KANK1: variants seen among roughly 807,000 people sequenced by gnomAD.
The protein encoded by KANK1 is KN motif and ankyrin repeat domains 1.
A neutral mutation model predicts 106.2 loss-of-function variants in KANK1; 109 were observed. The observed-to-expected ratio is 1.03, with a 90% CI of 0.88 to 1.20. The LOEUF (loss-of-function observed/expected upper bound fraction) is 1.20, where lower values mean the gene tolerates loss of function less well. Among genes scored for constraint, KANK1 ranks in the 50% most tolerant of loss-of-function variants. The pLI, the probability that KANK1 is intolerant of heterozygous loss-of-function variation, is 0.00. For synonymous variants in KANK1, 873 were observed against 652.2 expected (o/e 1.34, Z -5.16); for missense variants, 2,399 against 1,710.7 (o/e 1.40, Z -7.10).
rs139741863 is a variant in KANK1, at chr9:568,195, C to G, written c.-84+63441C>G. 2.6e-3 allele frequency among the ~76,000 whole-genome samples: 392 copies of G among 152,252 alleles called. 3 individuals are homozygous for G. The highest frequency in any genetic ancestry group is 4.7e-3 in the Non-Finnish European group (321 of 68,014). ...CTTATCTATAATGCATGTTAAAAAT[C>G]AACTTCTCAAGATTTTTTACACCAA... On this transcript the variant is annotated intron_variant, in intron 1 of 11. Coordinates refer to ENST00000382297, the MANE Select transcript of KANK1 (RefSeq NM_015158.5).
At chr9:495,676 A>G (rs1020213611) in intron 3 of KANK1, 1 of 152,234 alleles carries the variant, frequency 6.6e-6, no homozygotes, top group Non-Finnish European at 1.5e-5. Flanking sequence ...CATGTGGCGC[A>G]GTCTCTTTTC....
intron 1 of KANK1, among the ~76,000 whole-genome samples, chr9:605,224 G>C (rs62531539): frequency 0.011 from 1,590 of 150,044 alleles, 22 homozygotes; most frequent in Admixed American, 0.019. Flanking sequence ...TCACTTGAAC[G>C]TGGGAGGCAG....
intron 1 of KANK1, among the ~76,000 whole-genome samples, chr9:596,678 G>A (rs1276029876): frequency 6.6e-6 from 1 of 151,712 alleles, no homozygotes; most frequent in Admixed American, 6.6e-5. Context: ...TACTTTACCA[G>A]TTCCCCATTG....
intron 1 of KANK1, among the ~76,000 whole-genome samples, chr9:668,721 A>T (rs1845234764): frequency 1.3e-5 from 2 of 152,226 alleles, no homozygotes; most frequent in Admixed American, 1.3e-4. Context: ...ATGACAGCTT[A>T]TCTTAGATAA....
At chr9:714,110 T>C (rs993047266) in intron 3 of KANK1, among the ~76,000 whole-genome samples, 2 of 152,106 alleles carry the variant, frequency 1.3e-5, no homozygotes, top group African/African-American at 4.8e-5. Flanking sequence ...ATTACTTGGA[T>C]TCCTACTCTG....
intron 1 of KANK1, among the ~76,000 whole-genome samples, chr9:581,726 G>T (rs1316620679): frequency 6.6e-6 from 1 of 152,154 alleles, no homozygotes; most frequent in Non-Finnish European, 1.5e-5. Context: ...GTTGTGCCAA[G>T]GTTCCAGGCT....
intron 1 of KANK1, among the ~76,000 whole-genome samples, chr9:650,255 C>T (rs140992443): frequency 2.5e-3 from 388 of 152,226 alleles, no homozygotes; most frequent in Middle Eastern, 0.01. Flanking sequence ...GGATTGGCCT[C>T]TGTGCTTATT....
chr9:537,955 C>T (rs768184229), intron 1 of KANK1, among the ~76,000 whole-genome samples: 1 of 152,206 alleles, frequency 6.6e-6, no homozygotes. Context: ...TTTATTTTCT[C>T]ACTCAACACA....
chr9:741,325 CTTTT>C (rs71314736), intron 9 of KANK1, among the ~76,000 whole-genome samples: 4 of 146,350 alleles, frequency 2.7e-5, no homozygotes, highest in East Asian at 2.0e-4. Flanking sequence ...CACAGCTTGA[CTTTT>C]TTTTTTTTAA....
intron 1 of KANK1, among the ~76,000 whole-genome samples, chr9:669,321 A>T (rs527513405): frequency 6.6e-6 from 1 of 152,222 alleles, no homozygotes; most frequent in Admixed American, 6.5e-5. Context: ...ATACCTTCAA[A>T]TGTTTTCTTT....
intron 1 of KANK1, among the ~76,000 whole-genome samples, chr9:571,769 A>T (rs1279425342): frequency 6.6e-6 from 1 of 152,214 alleles, no homozygotes; most frequent in South Asian, 2.1e-4. Context: ...ATGTTCTGTC[A>T]TTTATCAGAA....
chr9:501,271 T>C (rs1192682809), upstream of KANK1, among the ~76,000 whole-genome samples: 1 of 152,182 alleles, frequency 6.6e-6, no homozygotes, highest in African/African-American at 2.4e-5. Flanking sequence ...GCAAGAACTT[T>C]CAGCAAGGAC....
intron 3 of KANK1, among the ~76,000 whole-genome samples, chr9:493,932 G>T (rs765777077): frequency 6.6e-6 from 1 of 151,630 alleles, no homozygotes; most frequent in Non-Finnish European, 1.5e-5. Context: ...GCCCAGGCTG[G>T]AGTGCAATGG....
intron 1 of KANK1, among the ~76,000 whole-genome samples, chr9:671,157 A>G (rs1006055345): frequency 2.6e-5 from 4 of 151,764 alleles, no homozygotes; most frequent in African/African-American, 9.7e-5. Flanking sequence ...TGATTCCAGT[A>G]TCCTGCCTTA....
At chr9:537,286 G>T (rs1010734390) in intron 1 of KANK1, among the ~76,000 whole-genome samples, 62 of 152,272 alleles carry the variant, frequency 4.1e-4, no homozygotes, top group African/African-American at 1.4e-3. Context: ...TTCCCTTGGG[G>T]AGGACGAGAA....
chr9:676,128 T>A (rs1816372003), intron 1 of KANK1, among the ~76,000 whole-genome samples: 1 of 152,212 alleles, frequency 6.6e-6, no homozygotes. Flanking sequence ...CAACCTGTTT[T>A]ATCAGCAAGG....
intron 1 of KANK1, among the ~76,000 whole-genome samples, chr9:583,280 A>G (rs1426419968): frequency 5.3e-5 from 8 of 152,298 alleles, no homozygotes; most frequent in South Asian, 2.1e-4. Context: ...GTTACATTTT[A>G]TCTGTAAAAG....
At chr9:572,442 C>G (rs1247165786) in intron 1 of KANK1, among the ~76,000 whole-genome samples, 1 of 152,012 alleles carries the variant, frequency 6.6e-6, no homozygotes, top group Non-Finnish European at 1.5e-5. Context: ...GTCCCAGCTA[C>G]TCGGGAAGCT....
intron 1 of KANK1, among the ~76,000 whole-genome samples, chr9:666,788 C>G (rs1844685449): frequency 6.6e-6 from 1 of 151,936 alleles, no homozygotes; most frequent in African/African-American, 2.4e-5. Context: ...GGGGTGAATC[C>G]CACTTGATAA....
Sources: allele counts gnomAD v4.1 joint callset (sites outside exome capture counted in the v4.1 genomes callset), GRCh38; gene constraint gnomAD v4.1.1; transcripts MANE v1.5; gene names NCBI Gene and HGNC (gene_info 2026-07-23, HGNC 2026-07-21).